Variants in SOX5 observed in about 807,000 individuals in gnomAD.
SOX5 encodes SRY-box transcription factor 5, also known as transcription factor SOX-5.
In SOX5, 9 loss-of-function variants were observed where a neutral mutation model predicts 92.0. That is an observed-to-expected ratio of 0.10 (90% confidence interval 0.06 to 0.17). The LOEUF (loss-of-function observed/expected upper bound fraction) is 0.17. Ranked by LOEUF, SOX5 falls within the 10% of genes least tolerant of loss-of-function variation. SOX5 has a pLI of 1.00. For missense variants in SOX5, 642 were observed against 944.5 expected (o/e 0.68, Z 4.20); for synonymous variants, 344 against 336.3 (o/e 1.02, Z -0.25).
intron 4 of SOX5, among the ~76,000 whole-genome samples, chr12:24,021,270 G>T (rs1311994277): frequency 6.6e-6 from 1 of 152,148 alleles, no homozygotes; most frequent in Non-Finnish European, 1.5e-5. Context: ...AGGTCTAAGT[G>T]GCTCAGGAGA....
At chr12:24,506,044 T>C (rs1229250844) in intron 1 of SOX5, among the ~76,000 whole-genome samples, 2 of 152,214 alleles carry the variant, frequency 1.3e-5, no homozygotes, top group Non-Finnish European at 2.9e-5. Context: ...TTCCTCATGA[T>C]ATACTATTAA....
chr12:24,178,016 C>A (rs1485755656), intron 4 of SOX5, among the ~76,000 whole-genome samples: 1 of 152,162 alleles, frequency 6.6e-6, no homozygotes. Flanking sequence ...TCATTGCTAC[C>A]ACTCTCCAGG....
chr12:23,903,578 G>C (rs1036898138), intron 1 of SOX5, among the ~76,000 whole-genome samples: 1 of 152,050 alleles, frequency 6.6e-6, no homozygotes, highest in African/African-American at 2.4e-5. Flanking sequence ...GTGAGACCCT[G>C]TCTCAAAAAA....
intron 2 of SOX5, among the ~76,000 whole-genome samples, chr12:24,336,955 C>G (rs1175073472): frequency 6.6e-6 from 1 of 152,190 alleles, no homozygotes; most frequent in Non-Finnish European, 1.5e-5. Flanking sequence ...ATTTGCCAAA[C>G]TACATTATTC....
intron 3 of SOX5, among the ~76,000 whole-genome samples, chr12:24,240,368 G>A (rs766977158): frequency 6.6e-6 from 1 of 152,088 alleles, no homozygotes; most frequent in South Asian, 2.1e-4. Flanking sequence ...AATTCATTGT[G>A]TCAGGTTGCA....
rs1444413472 is a variant in SOX5 at position 23,819,873 on chromosome 12, T to C, written c.481+26110A>G. ...GGCTCCAAGTCTTTGCTATTGTGAA[T>C]AGTGCTGCAATAAACATATGTGTGC... On this transcript the variant is annotated intron_variant, in intron 3 of 14. Transcript: ENST00000451604. Among the ~76,000 whole-genome samples, 10 of 152,346 alleles carry C rather than the reference T, an allele frequency of 6.6e-5. No individual in the cohort carries two copies. In the East Asian group the frequency reaches 1.7e-3, roughly 26 times the overall value.
At position 23,759,933 on chromosome 12, in the gene SOX5, CT is replaced by C. The variant is rs759234215; in HGVS notation, c.482-4210del. 1.6e-4 allele frequency among the ~76,000 whole-genome samples: 25 copies of C among 151,846 alleles called. No individual in the cohort carries two copies. The East Asian group carries it at 4.9e-3, about 30-fold the overall frequency. ...GCAAATGTTCAAATTCTGGAGTTTC[CT>C]TTAATTTTTTTTAAATTTTTGTGCG... On this transcript the variant is annotated intron_variant, in intron 3 of 14. Coordinates refer to ENST00000451604, the MANE Select transcript of SOX5 (RefSeq NM_006940.6).
At chr12:23,869,099 A>G (rs1295571038) in intron 2 of SOX5, among the ~76,000 whole-genome samples, 1 of 152,186 alleles carries the variant, frequency 6.6e-6, no homozygotes, top group Non-Finnish European at 1.5e-5. Context: ...GCTTTGCAGA[A>G]GGTTGTTAAA....
intron 1 of SOX5, among the ~76,000 whole-genome samples, chr12:24,442,317 G>A (rs948809626): frequency 2.0e-5 from 3 of 152,116 alleles, no homozygotes; most frequent in East Asian, 1.9e-4. Context: ...CATTTGTTTA[G>A]TTTCAGGCAT....
chr12:23,715,194 G>A (rs148513410), intron 6 of SOX5, among the ~76,000 whole-genome samples: 84 of 152,102 alleles, frequency 5.5e-4, no homozygotes, highest in African/African-American at 1.9e-3. Flanking sequence ...AGCTACTAGG[G>A]AGGCTGAGGT....
At chr12:23,824,781 C>G (rs2096196931) in intron 3 of SOX5, among the ~76,000 whole-genome samples, 1 of 152,206 alleles carries the variant, frequency 6.6e-6, no homozygotes, top group Non-Finnish European at 1.5e-5. Flanking sequence ...CAGAGACGCC[C>G]TGCTCAGAGA....
intron 6 of SOX5, among the ~76,000 whole-genome samples, chr12:23,694,734 T>C (rs2089502201): frequency 6.6e-6 from 1 of 152,212 alleles, no homozygotes; most frequent in South Asian, 2.1e-4. Flanking sequence ...AAGCTTTTTA[T>C]CACTATAGTT....
At chr12:24,424,475 T>C (rs1033246884) in intron 1 of SOX5, among the ~76,000 whole-genome samples, 2 of 152,112 alleles carry the variant, frequency 1.3e-5, no homozygotes, top group Non-Finnish European at 2.9e-5. Flanking sequence ...TATACTAGTG[T>C]TTAAACAAGC....
chr12:23,857,153 A>G (rs763851547), intron 2 of SOX5, among the ~76,000 whole-genome samples: 1 of 152,216 alleles, frequency 6.6e-6, no homozygotes, highest in Non-Finnish European at 1.5e-5. Flanking sequence ...TAACCAAAAG[A>G]AATGAAGAAT....
At chr12:23,621,930 G>A (rs767921680) in intron 8 of SOX5, among the ~76,000 whole-genome samples, 1 of 152,020 alleles carries the variant, frequency 6.6e-6, no homozygotes, top group Non-Finnish European at 1.5e-5. Flanking sequence ...CTGTTTATGA[G>A]CTCAATCCTG....
intron 5 of SOX5, among the ~76,000 whole-genome samples, chr12:23,735,281 T>C (rs183691691): frequency 2.3e-4 from 35 of 151,908 alleles, no homozygotes; most frequent in African/African-American, 8.0e-4. Flanking sequence ...GTGGTTTCTG[T>C]TTCCATTTTT....
At chr12:24,329,232 C>T (rs905806229) in intron 2 of SOX5, among the ~76,000 whole-genome samples, 1 of 151,986 alleles carries the variant, frequency 6.6e-6, no homozygotes, top group African/African-American at 2.4e-5. Flanking sequence ...AAGATACTAC[C>T]CGAGACTCGG....
chr12:24,309,132 A>C (rs1948917199), intron 2 of SOX5, among the ~76,000 whole-genome samples: 1 of 152,214 alleles, frequency 6.6e-6, no homozygotes, highest in South Asian at 2.1e-4. Context: ...AGGATGTTCT[A>C]CTTCACAAAC....
intron 1 of SOX5, among the ~76,000 whole-genome samples, chr12:24,452,236 C>T (rs1431087338): frequency 1.3e-5 from 2 of 152,204 alleles, no homozygotes; most frequent in African/African-American, 4.8e-5. Flanking sequence ...CTACCAAATA[C>T]CTAAATATTT....
Sources: gnomAD v4.1 joint callset for allele counts (sites outside exome capture counted in the v4.1 genomes callset) on GRCh38, gnomAD v4.1.1 for gene constraint, MANE v1.5 for transcripts, NCBI Gene and HGNC (gene_info 2026-07-23, HGNC 2026-07-21) for gene names.